SPAST: variants seen among roughly 807,000 people sequenced by gnomAD.
SPAST encodes the protein spastin.
SPAST carries 30 observed loss-of-function variants against 76.6 expected under a neutral mutation model. That is an observed-to-expected ratio of 0.39 (90% CI 0.29 to 0.53). The LOEUF is 0.53. SPAST is among the 20% of genes least tolerant of loss of function. SPAST has a pLI of 0.68. For missense variants in SPAST, 717 were observed against 770.5 expected (o/e 0.93, Z 0.82); for synonymous variants, 305 against 281.0 (o/e 1.09, Z -0.86).
At chr2:32,094,512 T>C (rs1003192411) in intron 3 of SPAST, among the ~76,000 whole-genome samples, 12 of 152,130 alleles carry the variant, frequency 7.9e-5, no homozygotes, top group Non-Finnish European at 1.6e-4. Flanking sequence ...CTGGTATGTT[T>C]GTGAAGCAGC....
chr2:32,063,693 T>G lies in SPAST; in HGVS notation c.-139T>G. On this transcript the variant is annotated 5_prime_UTR_variant, in exon 1 of 17. Transcript: ENST00000315285. The stretch of plus-strand genomic sequence containing the variant: ...AAAGGGGCGGGGCCGGCGGGCAGCG[T>G]GCGGCAGTGCGGAGCTCCTGAGACC... 8.9e-7 allele frequency: 1 copy of G among 1,123,996 alleles called. No individual in the cohort carries two copies. The highest frequency in any genetic ancestry group is 1.6e-5 in the African/African-American group (1 of 62,524). 69.6% of individuals were successfully genotyped at this position (1,123,996 alleles called of 1,614,324 possible). A position where few individuals can be genotyped will look rare whatever the true frequency, so the allele number is the denominator to read the frequency against.
Position 32,126,942 on chromosome 2 carries a change from T to A in SPAST, c.1099-6T>A. 2 of 1,588,050 alleles carry A rather than the reference T, an allele frequency of 1.3e-6. No individual in the cohort carries two copies. The highest frequency in any genetic ancestry group is 2.2e-5 in the South Asian group (2 of 90,452). Reference sequence around the variant, plus strand: ...ATAGTTGTAAACTAAAGTATATATTTTTTAGTTGTTCACAGGGCTTAGAGC... The same window carrying A: ...ATAGTTGTAAACTAAAGTATATATTATTTAGTTGTTCACAGGGCTTAGAGC... On this transcript the variant is annotated splice_region_variant and splice_polypyrimidine_tract_variant and intron_variant, in intron 7 of 16. Coordinates refer to ENST00000315285, the MANE Select transcript of SPAST (RefSeq NM_014946.4).
intron 4 of SPAST, among the ~76,000 whole-genome samples, chr2:32,099,938 T>A (rs570801479): frequency 2.1e-5 from 3 of 144,924 alleles, no homozygotes; most frequent in Non-Finnish European, 4.5e-5. Context: ...GTTGATTCTG[T>A]ATCTTGGCTG....
At chr2:32,110,386 G>A (rs1451376646) in intron 4 of SPAST, among the ~76,000 whole-genome samples, 2 of 148,590 alleles carry the variant, frequency 1.3e-5, no homozygotes, top group African/African-American at 2.5e-5. Flanking sequence ...CCAAAGTGCT[G>A]GGATTACAGG....
intron 16 of SPAST, among the ~76,000 whole-genome samples, chr2:32,150,198 G>C (rs543000682): frequency 6.8e-6 from 1 of 147,492 alleles, no homozygotes; most frequent in Admixed American, 6.8e-5. Context: ...TCAGCCTCCC[G>C]AGTAGCTGGG....
chr2:32,075,754 A>G (rs956455198), intron 1 of SPAST, among the ~76,000 whole-genome samples: 3 of 149,102 alleles, frequency 2.0e-5, no homozygotes, highest in African/African-American at 7.4e-5. Flanking sequence ...GGGTTTCACT[A>G]TGTTGGCCAG....
chr2:32,079,668 A>G (rs903320702), intron 1 of SPAST, among the ~76,000 whole-genome samples: 3 of 141,720 alleles, frequency 2.1e-5, no homozygotes, highest in African/African-American at 8.0e-5. Flanking sequence ...AAGCAGTCCT[A>G]CCACCTCAGC....
At chr2:32,077,404 A>C (rs1388912319) in intron 1 of SPAST, among the ~76,000 whole-genome samples, 1 of 152,174 alleles carries the variant, frequency 6.6e-6, no homozygotes, top group Non-Finnish European at 1.5e-5. Context: ...TAAGTTAATC[A>C]ACAAATTTAC....
chr2:32,088,153 G>C (rs1677567699), intron 2 of SPAST, among the ~76,000 whole-genome samples: 1 of 151,860 alleles, frequency 6.6e-6, no homozygotes. Flanking sequence ...CTCCCAAAGT[G>C]GTGGGAGTAC....
At chr2:32,088,718 CAATTT>C (rs1388353469) in intron 2 of SPAST, among the ~76,000 whole-genome samples, 1 of 54,974 alleles carries the variant, frequency 1.8e-5, no homozygotes, top group Admixed American at 1.8e-4. Flanking sequence ...GAGTAAAAAA[CAATTT>C]AATTAAAGTA....
intron 9 of SPAST, 191 bp downstream of exon 9, chr2:32,128,670 T>C (rs1679276795): frequency 1.7e-6 from 1 of 587,640 alleles, no homozygotes; most frequent in Admixed American, 2.9e-5. Context: ...AATACTGTAT[T>C]AGTTTACTGG....
chr2:32,089,477 A>G (rs1279948846), intron 2 of SPAST, 45 bp from the exon 3 acceptor site: 1 of 1,045,022 alleles, frequency 9.6e-7, no homozygotes, highest in Admixed American at 1.7e-5. Flanking sequence ...GTGAAACAAT[A>G]TTAGTTGGGA....
intron 2 of SPAST, among the ~76,000 whole-genome samples, chr2:32,088,505 G>A (rs1045533977): frequency 4.6e-5 from 7 of 152,238 alleles, no homozygotes; most frequent in South Asian, 2.1e-4. Context: ...TTAGCCAGGC[G>A]TGGTGTCGCG....
At chr2:32,066,323 G>T (rs1372005482) in intron 1 of SPAST, among the ~76,000 whole-genome samples, 1 of 152,082 alleles carries the variant, frequency 6.6e-6, no homozygotes, top group Non-Finnish European at 1.5e-5. Flanking sequence ...GATCCCTTGG[G>T]GAGAATTAAA....
intron 1 of SPAST, among the ~76,000 whole-genome samples, chr2:32,077,154 G>A (rs1386067778): frequency 2.0e-5 from 3 of 152,140 alleles, no homozygotes; most frequent in Non-Finnish European, 4.4e-5. Flanking sequence ...GATTATAGGC[G>A]TGAGCCACCG....
Position 32,156,315 on chromosome 2 carries a change from G to C in SPAST, c.*1819G>C, listed in dbSNP as rs896162806. 1 of 152,206 alleles carries C rather than the reference G, an allele frequency of 6.6e-6. No homozygotes were observed. The highest frequency in any genetic ancestry group is 6.5e-5 in the Admixed American group (1 of 15,274). The allele number at this position is 152,206 out of a possible 1,614,324, so 9.4% of individuals were successfully genotyped here. A position where few individuals can be genotyped will look rare whatever the true frequency, so the allele number is the denominator to read the frequency against. ...GCCTCCCAAAGTGCTGGGATTACAGGCATAAGCCACTGCGCCCAGCCAGAA... is the reference window on the plus strand; with the variant it reads ...GCCTCCCAAAGTGCTGGGATTACAGCCATAAGCCACTGCGCCCAGCCAGAA... On this transcript the variant is annotated 3_prime_UTR_variant, in exon 17 of 17. Transcript: ENST00000315285.
intron 4 of SPAST, among the ~76,000 whole-genome samples, chr2:32,110,675 T>C (rs1185762333): frequency 7.3e-6 from 1 of 137,640 alleles, no homozygotes; most frequent in Non-Finnish European, 1.5e-5. Context: ...ATAGTATATA[T>C]AGTGTATATA....
At chr2:32,076,986 C>G (rs992322213) in intron 1 of SPAST, among the ~76,000 whole-genome samples, 5 of 152,130 alleles carry the variant, frequency 3.3e-5, no homozygotes, top group African/African-American at 1.2e-4. Context: ...AACGATTCTC[C>G]TGCCTCAGCC....
rs181121514 is a variant in SPAST at position 32,147,162 on chromosome 2, C to T, written c.1688-56C>T. ...CATTGTACTTGGTTTTGCCCTTCAA[C>T]AATTTCAACTGCAAAATGTATGTAT... On this transcript the variant is annotated intron_variant, in intron 15 of 16. Coordinates refer to ENST00000315285, the MANE Select transcript of SPAST (RefSeq NM_014946.4). 133 of 1,292,778 alleles carry T rather than the reference C, an allele frequency of 1.0e-4. 4 individuals are homozygous for T. The Middle Eastern group carries it at 2.4e-3, about 23-fold the overall frequency. 80.1% of individuals were successfully genotyped at this position (1,292,778 alleles called of 1,614,324 possible).
Sources: allele counts gnomAD v4.1 joint callset (sites outside exome capture counted in the v4.1 genomes callset), GRCh38; gene constraint gnomAD v4.1.1; transcripts MANE v1.5; gene names NCBI Gene and HGNC (gene_info 2026-07-23, HGNC 2026-07-21).